The following GPC5 variants were observed in gnomAD, a reference collection of about 807,000 sequenced individuals.
The protein encoded by GPC5 is glypican-5.
A neutral mutation model predicts 53.9 loss-of-function variants in GPC5; 47 were observed. The ratio of observed to expected loss-of-function variants is 0.87; its 90% CI spans 0.69 to 1.11. GPC5 has a LOEUF of 1.11. Among genes scored for constraint, GPC5 ranks in the 50% most tolerant of loss-of-function variants. GPC5 has a pLI of 0.00. For synonymous variants in GPC5, 286 were observed against 263.3 expected (o/e 1.09, Z -0.84); for missense variants, 748 against 713.1 (o/e 1.05, Z -0.56).
intron 7 of GPC5, among the ~76,000 whole-genome samples, chr13:92,783,059 T>C (rs1335479706): frequency 6.6e-6 from 1 of 152,220 alleles, no homozygotes; most frequent in Non-Finnish European, 1.5e-5. Context: ...ATTGCTAGTT[T>C]AAATATTAGC....
Position 91,542,019 on chromosome 13 carries a change from T to TATTAATTCATATTA in GPC5, c.325+93104_325+93105insCATATTAATTAATT, listed in dbSNP as rs1555321634. 1.0e-4 allele frequency among the ~76,000 whole-genome samples: 15 copies of TATTAATTCATATTA among 147,036 alleles called. 1 individual carries two copies. The South Asian group carries it at 3.0e-3, about 29-fold the overall frequency. ...GATTTTTTCCCATTTGAGCTCTTAA[T>TATTAATTCATATTA]ATTAATTAATATTAATAATGTATTA... On this transcript the variant is annotated intron_variant, in intron 2 of 7. Transcript: ENST00000377067.
intron 7 of GPC5, among the ~76,000 whole-genome samples, chr13:92,444,188 A>G (rs1877697391): frequency 1.3e-5 from 2 of 152,190 alleles, no homozygotes; most frequent in African/African-American, 2.4e-5. Flanking sequence ...ATACATAGGT[A>G]TAGAAGGAAT....
chr13:92,532,261 C>A (rs1032829486), intron 7 of GPC5, among the ~76,000 whole-genome samples: 6 of 152,112 alleles, frequency 3.9e-5, no homozygotes, highest in African/African-American at 1.4e-4. Flanking sequence ...CAATCATACA[C>A]ATAACTCAAA....
rs190579712 is a variant in GPC5, at chr13:91,427,448, C to T, written c.164-21313C>T. 2.4e-3 allele frequency among the ~76,000 whole-genome samples: 365 copies of T among 152,280 alleles called. 1 individual carries two copies. The highest frequency in any genetic ancestry group is 3.8e-3 in the Non-Finnish European group (257 of 68,022). ...GGAGTTTTTAAGTTTTAATGCCTTC[C>T]CTGACTGGTTTCATACTTGTATGGG... On this transcript the variant is annotated intron_variant, in intron 1 of 7. Coordinates refer to ENST00000377067, the MANE Select transcript of GPC5 (RefSeq NM_004466.6).
intron 7 of GPC5, among the ~76,000 whole-genome samples, chr13:92,311,298 C>A (rs774825958): frequency 6.6e-6 from 1 of 152,134 alleles, no homozygotes; most frequent in South Asian, 2.1e-4. Flanking sequence ...GAGAAAAGAG[C>A]AGTGAAGATG....
intron 7 of GPC5, among the ~76,000 whole-genome samples, chr13:92,429,680 A>G (rs1010743223): frequency 4.6e-5 from 7 of 152,084 alleles, no homozygotes; most frequent in African/African-American, 1.7e-4. Flanking sequence ...GAAGTTATAT[A>G]AAAATCTAGA....
intron 7 of GPC5, among the ~76,000 whole-genome samples, chr13:92,217,443 C>A (rs1317201607): frequency 6.6e-6 from 1 of 152,198 alleles, no homozygotes; most frequent in Non-Finnish European, 1.5e-5. Flanking sequence ...GCTGATCACC[C>A]TGGCCTGTCT....
intron 7 of GPC5, among the ~76,000 whole-genome samples, chr13:92,385,483 T>TACAC (rs1874608402): frequency 6.1e-5 from 4 of 65,356 alleles, no homozygotes; most frequent in African/African-American, 2.0e-4. Flanking sequence ...TATATACATA[T>TACAC]ATACACATAT....
intron 5 of GPC5, among the ~76,000 whole-genome samples, chr13:91,889,581 T>G (rs1009474980): frequency 2.0e-5 from 3 of 152,208 alleles, no homozygotes; most frequent in Non-Finnish European, 4.4e-5. Context: ...TGGGATTTGT[T>G]ACTAGAGTTG....
chr13:92,084,497 T>A (rs1002972663), intron 6 of GPC5, among the ~76,000 whole-genome samples: 1 of 152,218 alleles, frequency 6.6e-6, no homozygotes, highest in African/African-American at 2.4e-5. Flanking sequence ...TGTTTATGGA[T>A]AAGTTTCTTA....
At chr13:92,528,437 C>T (rs1018273332) in intron 7 of GPC5, among the ~76,000 whole-genome samples, 1 of 151,980 alleles carries the variant, frequency 6.6e-6, no homozygotes, top group South Asian at 2.1e-4. Context: ...TATGACATTC[C>T]TTCTAGAATT....
At chr13:92,065,671 C>T (rs1471701100) in intron 6 of GPC5, among the ~76,000 whole-genome samples, 2 of 152,160 alleles carry the variant, frequency 1.3e-5, no homozygotes, top group East Asian at 3.9e-4. Flanking sequence ...TAATAAGTTG[C>T]ATTTTGAAAA....
chr13:92,122,842 C>A (rs887935976), intron 6 of GPC5, among the ~76,000 whole-genome samples: 3 of 140,622 alleles, frequency 2.1e-5, no homozygotes, highest in African/African-American at 7.9e-5. Flanking sequence ...TCTTTCTCTT[C>A]AGAATGGTTA....
intron 7 of GPC5, among the ~76,000 whole-genome samples, chr13:92,815,162 C>T (rs1315955699): frequency 1.3e-5 from 2 of 151,756 alleles, no homozygotes; most frequent in Admixed American, 1.3e-4. Context: ...GAAAGAAAAA[C>T]ATATAATACA....
chr13:91,728,384 G>T, intron 3 of GPC5, 148 bp from the exon 4 acceptor site: 1 of 542,426 alleles, frequency 1.8e-6, no homozygotes. Flanking sequence ...TAGAAAAATT[G>T]ACAAACATTA....
intron 5 of GPC5, among the ~76,000 whole-genome samples, chr13:91,881,852 AAT>A (rs1380136071): frequency 2.6e-5 from 4 of 152,174 alleles, no homozygotes; most frequent in Non-Finnish European, 5.9e-5. Context: ...AACTAAGGCT[AAT>A]AATCTGTCAG....
chr13:92,806,366 GTTTT>G (rs1877099508), intron 7 of GPC5, among the ~76,000 whole-genome samples: 1 of 151,978 alleles, frequency 6.6e-6, no homozygotes, highest in African/African-American at 2.4e-5. Flanking sequence ...ACTACCCGAC[GTTTT>G]CTACCTCAGC....
chr13:92,110,699 A>G (rs1338341511), intron 6 of GPC5, among the ~76,000 whole-genome samples: 1 of 152,220 alleles, frequency 6.6e-6, no homozygotes, highest in Non-Finnish European at 1.5e-5. Flanking sequence ...CTACAGGGAT[A>G]ATTGAAGGAT....
intron 7 of GPC5, among the ~76,000 whole-genome samples, chr13:92,492,657 A>G (rs530576179): frequency 4.2e-4 from 64 of 152,326 alleles, no homozygotes; most frequent in African/African-American, 1.5e-3. Context: ...TAAGCAAAAA[A>G]GTAAAACTAG....
Sources: allele counts gnomAD v4.1 joint callset (sites outside exome capture counted in the v4.1 genomes callset), GRCh38; gene constraint gnomAD v4.1.1; transcripts MANE v1.5; gene names NCBI Gene and HGNC (gene_info 2026-07-23, HGNC 2026-07-21).